RYR3: variants seen among roughly 807,000 people sequenced by gnomAD.
RYR3 encodes the protein ryanodine receptor 3, also known as brain ryanodine receptor-calcium release channel.
In RYR3, 207 loss-of-function variants were observed where a neutral mutation model predicts 584.3. That is an observed-to-expected ratio of 0.35 (90% CI 0.32 to 0.40). RYR3 has a LOEUF of 0.40. Among genes scored for constraint, RYR3 ranks in the 10% least tolerant of loss-of-function variants. The pLI, the probability that RYR3 is intolerant of heterozygous loss-of-function variation, is 1.00. For synonymous variants in RYR3, 2,416 were observed against 2,248.5 expected (o/e 1.07, Z -2.11); for missense variants, 5,616 against 6,089.2 (o/e 0.92, Z 2.59).
intron 10 of RYR3, among the ~76,000 whole-genome samples, chr15:33,554,902 T>A (rs1360949743): frequency 6.6e-6 from 1 of 152,222 alleles, no homozygotes; most frequent in Non-Finnish European, 1.5e-5. Flanking sequence ...ATTAATAATG[T>A]TAAAGCAGGC....
chr15:33,432,668 T>TTGTGTGTGTGTGTGTGTGTGTGTGTG lies in RYR3; in HGVS notation c.52-40747_52-40722dup, dbSNP rs58292418. On this transcript the variant is annotated intron_variant, in intron 1 of 103. Transcript: ENST00000634891. Reference sequence around the variant, plus strand: ...GGTGCCCACGACCACGCCTAGCTAATTGTGTGTGTGTGTGTGTGTGTGTGT... The same window carrying TTGTGTGTGTGTGTGTGTGTGTGTGTG: ...GGTGCCCACGACCACGCCTAGCTAATTGTGTGTGTGTGTGTGTGTGTGTGTGTGTGTGTGTGTGTGTGTGTGTGTGT... Among the ~76,000 whole-genome samples the TTGTGTGTGTGTGTGTGTGTGTGTGTG allele has an allele frequency of 1.6e-3, 205 of 132,162 alleles. 1 individual carries two copies. Among genetic ancestry groups the TTGTGTGTGTGTGTGTGTGTGTGTGTG allele is most frequent in the African/African-American group, 4.8e-3 (152 of 31,658 alleles). 86.7% of individuals were successfully genotyped at this position (132,162 alleles called of 152,430 possible).
chr15:33,723,787 G>T (rs2068126201), intron 44 of RYR3, among the ~76,000 whole-genome samples: 1 of 152,242 alleles, frequency 6.6e-6, no homozygotes, highest in African/African-American at 2.4e-5. Flanking sequence ...AAAAGGGAAT[G>T]AATGGTTGGT....
chr15:33,848,446 A>G (rs754390854), intron 94 of RYR3, 25 bp downstream of exon 94: 17 of 1,595,268 alleles, frequency 1.1e-5, no homozygotes, highest in Non-Finnish European at 1.4e-5. Context: ...ACCCCAACCT[A>G]AAAAGGAGAT....
intron 67 of RYR3, among the ~76,000 whole-genome samples, chr15:33,791,686 T>C (rs1432430203): frequency 6.6e-6 from 1 of 152,168 alleles, no homozygotes; most frequent in African/African-American, 2.4e-5. Context: ...AGCTGTCAGA[T>C]ATCAACCAAG....
chr15:33,859,528 A>C (rs1478554615), intron 99 of RYR3, 47 bp from the exon 100 acceptor site: 1 of 1,607,208 alleles, frequency 6.2e-7, no homozygotes, highest in East Asian at 2.2e-5. Flanking sequence ...CTTGCTAAAA[A>C]CAGAACTGTG....
chr15:33,572,062 C>T (rs1451720655), intron 12 of RYR3, among the ~76,000 whole-genome samples: 5 of 152,124 alleles, frequency 3.3e-5, no homozygotes, highest in Admixed American at 6.5e-5. Flanking sequence ...AGCAACTTTG[C>T]ATTAACATTT....
At chr15:33,765,948 A>G (rs374939080) in intron 60 of RYR3, among the ~76,000 whole-genome samples, 2 of 152,200 alleles carry the variant, frequency 1.3e-5, no homozygotes, top group African/African-American at 4.8e-5. Flanking sequence ...GGTTAACTCT[A>G]CTACCCAAAG....
At chr15:33,349,701 G>A (rs1221882274) in intron 1 of RYR3, among the ~76,000 whole-genome samples, 1 of 146,710 alleles carries the variant, frequency 6.8e-6, no homozygotes. Context: ...CCACTAACTC[G>A]TCATCTAGCA....
At chr15:33,683,884 G>A (rs2064809395) in intron 38 of RYR3, among the ~76,000 whole-genome samples, 1 of 152,276 alleles carries the variant, frequency 6.6e-6, no homozygotes, top group African/African-American at 2.4e-5. Flanking sequence ...GCTCACTGCT[G>A]GAGCAGCAGT....
chr15:33,563,054 G>A (rs779440539), intron 11 of RYR3, 44 bp downstream of exon 11: 1 of 1,506,634 alleles, frequency 6.6e-7, no homozygotes, highest in South Asian at 1.2e-5. Flanking sequence ...ACCCTGAGTT[G>A]GAAGCAACTA....
intron 1 of RYR3, among the ~76,000 whole-genome samples, chr15:33,465,321 T>C (rs1354424031): frequency 6.6e-6 from 1 of 152,194 alleles, no homozygotes; most frequent in Non-Finnish European, 1.5e-5. Flanking sequence ...GCAGGATTGC[T>C]TCATCATATG....
Position 33,562,721 on chromosome 15 carries a change from T to C in RYR3, c.973-116T>C, listed in dbSNP as rs75160935. On this transcript the variant is annotated intron_variant, in intron 10 of 103. Coordinates refer to ENST00000634891, the MANE Select transcript of RYR3 (RefSeq NM_001036.6). ...CTGGCTTGGACAGGCACATCATGATTATTTTGGTAACCAGTTGCCTGGCTT... is the reference window on the plus strand; with the variant it reads ...CTGGCTTGGACAGGCACATCATGATCATTTTGGTAACCAGTTGCCTGGCTT... 2.7e-3 allele frequency: 1,880 copies of C among 685,684 alleles called. 34 individuals carry two copies. The African/African-American group carries it at 0.03, about 11-fold the overall frequency. 42.5% of individuals were successfully genotyped at this position (685,684 alleles called of 1,614,324 possible).
intron 1 of RYR3, among the ~76,000 whole-genome samples, chr15:33,402,904 G>A (rs1421041288): frequency 2.6e-5 from 4 of 152,320 alleles, no homozygotes; most frequent in East Asian, 1.9e-4. Flanking sequence ...CAGGCTGTTG[G>A]GAATCTGACC....
At chr15:33,673,802 T>C (rs1228006715) in intron 38 of RYR3, among the ~76,000 whole-genome samples, 1 of 152,256 alleles carries the variant, frequency 6.6e-6, no homozygotes, top group Non-Finnish European at 1.5e-5. Flanking sequence ...AGAAGGAAGC[T>C]CCACGCTGGC....
At chr15:33,496,900 G>A (rs1371776881) in intron 2 of RYR3, among the ~76,000 whole-genome samples, 1 of 151,908 alleles carries the variant, frequency 6.6e-6, no homozygotes, top group Non-Finnish European at 1.5e-5. Context: ...CTCGTGTACA[G>A]TAGATCTGTT....
At chr15:33,628,435 AC>A (rs778962380) in intron 20 of RYR3, 35 bp from the exon 21 acceptor site, 16 of 1,449,762 alleles carry the variant, frequency 1.1e-5, no homozygotes, top group Non-Finnish European at 1.6e-5. Flanking sequence ...AGGTTTCAAA[AC>A]AATCGATTCT....
At chr15:33,756,515 G>C (rs2071848699) in intron 59 of RYR3, 142 bp downstream of exon 59, 1 of 695,836 alleles carries the variant, frequency 1.4e-6, no homozygotes, top group African/African-American at 1.8e-5. Flanking sequence ...TCGTGTAACA[G>C]TCCCAAGGGA....
intron 69 of RYR3, among the ~76,000 whole-genome samples, chr15:33,805,689 G>T (rs534497309): frequency 6.6e-6 from 1 of 151,680 alleles, no homozygotes; most frequent in Non-Finnish European, 1.5e-5. Context: ...GTGTTAGCCA[G>T]GATGGTCTCG....
At chr15:33,677,838 C>G (rs2064290103) in intron 38 of RYR3, among the ~76,000 whole-genome samples, 1 of 152,214 alleles carries the variant, frequency 6.6e-6, no homozygotes, top group East Asian at 1.9e-4. Flanking sequence ...TATCTAGACA[C>G]AGCCTGTCCT....
Sources: gnomAD v4.1 joint callset for allele counts (sites outside exome capture counted in the v4.1 genomes callset) on GRCh38, gnomAD v4.1.1 for gene constraint, MANE v1.5 for transcripts, NCBI Gene and HGNC (gene_info 2026-07-23, HGNC 2026-07-21) for gene names.